Variants in ERAP1 observed in about 807,000 individuals in gnomAD.
ERAP1 encodes the protein endoplasmic reticulum aminopeptidase 1, also known as adipocyte-derived leucine aminopeptidase.
In ERAP1, 86 loss-of-function variants were observed where a neutral mutation model predicts 103.7. The observed-to-expected ratio is 0.83, with a 90% confidence interval of 0.70 to 0.99. The LOEUF (loss-of-function observed/expected upper bound fraction) is 0.99. Ranked by LOEUF, ERAP1 falls within the 50% of genes least tolerant of loss-of-function variation. The probability of loss-of-function intolerance (pLI) is 0.00; values close to 1 mark genes in which losing one functional copy is unlikely to be tolerated. For synonymous variants in ERAP1, 398 were observed against 402.4 expected (o/e 0.99, Z 0.13); for missense variants, 1,009 against 1,128.4 (o/e 0.89, Z 1.52).
rs189188037 is a variant in ERAP1 at position 96,761,901 on chromosome 5, A to G, written c.*1299T>C. 3.8e-3 allele frequency: 600 copies of G among 159,902 alleles called. 5 individuals are homozygous for G. Among genetic ancestry groups the G allele is most frequent in the African/African-American group, 0.014 (571 of 41,824 alleles). 9.9% of individuals were successfully genotyped at this position (159,902 alleles called of 1,614,324 possible). A position where few individuals can be genotyped will look rare whatever the true frequency, so the allele number is the denominator to read the frequency against. ...CTAGCAACATTTGAGAGGGCAGTTT[A>G]GCAAAATATAGCCAGCACCATAACT... On this transcript the variant is annotated 3_prime_UTR_variant, in exon 20 of 20. Coordinates refer to the ERAP1 transcript ENST00000296754.
chr5:96,918,721 A>T, the ERAP1 span: 4 of 152,358 alleles, frequency 2.6e-5, no homozygotes, highest in South Asian at 8.3e-4. Context: ...ACAAGAAAGG[A>T]ATATAATTCA....
At chr5:96,782,253 C>G (rs1314173118) in intron 15 of ERAP1, among the ~76,000 whole-genome samples, 1 of 152,064 alleles carries the variant, frequency 6.6e-6, no homozygotes, top group Non-Finnish European at 1.5e-5. Flanking sequence ...TCGTGATCCA[C>G]CCACCTCAGC....
At chr5:96,837,567 C>T in the ERAP1 span, among the ~76,000 whole-genome samples, 3 of 152,194 alleles carry the variant, frequency 2.0e-5, no homozygotes, top group Admixed American at 1.3e-4. Context: ...CTTTGGGCGC[C>T]ACCAGGAGCA....
chr5:96,891,556 A>G, the ERAP1 span, among the ~76,000 whole-genome samples: 1 of 146,214 alleles, frequency 6.8e-6, no homozygotes, highest in Non-Finnish European at 1.5e-5. Context: ...ACACACACAC[A>G]CACACACATA....
chr5:96,935,077 G>C, the ERAP1 span: 1 of 152,638 alleles, frequency 6.6e-6, no homozygotes, highest in Non-Finnish European at 1.5e-5. Context: ...TGGCGCGAGT[G>C]CTGGGGGGCA....
chr5:96,890,441 C>T, the ERAP1 span, among the ~76,000 whole-genome samples: 1 of 152,194 alleles, frequency 6.6e-6, no homozygotes, highest in African/African-American at 2.4e-5. Context: ...CACCTCCTGC[C>T]ATGCAGCCCA....
the ERAP1 span, chr5:96,895,206 T>G: frequency 8.1e-7 from 1 of 1,228,798 alleles, no homozygotes; most frequent in Non-Finnish European, 1.2e-6. Context: ...ATAATTTTTA[T>G]TTGTTTAACT....
At chr5:96,797,089 T>C in intron 4 of ERAP1, 86 bp downstream of exon 4, 1 of 1,545,756 alleles carries the variant, frequency 6.5e-7, no homozygotes, top group Admixed American at 1.7e-5. Flanking sequence ...CACGACCCAC[T>C]GCGCTCAGGC....
intron 9 of ERAP1, 39 bp from the exon 10 acceptor site, chr5:96,790,406 A>G: frequency 1.2e-6 from 2 of 1,611,326 alleles, no homozygotes; most frequent in Non-Finnish European, 1.7e-6. Flanking sequence ...TTATTTCTAT[A>G]GAAAACAATG....
At chr5:96,811,523 G>T (rs993216930), upstream of ERAP1, among the ~76,000 whole-genome samples, 1 of 152,224 alleles carries the variant, frequency 6.6e-6, no homozygotes, top group South Asian at 2.1e-4. Context: ...CAGAGACAGA[G>T]AATACCTCCA....
chr5:96,803,947 G>A lies in ERAP1; in HGVS notation c.-17-4C>T. 8 of 1,602,454 alleles carry A rather than the reference G, an allele frequency of 5.0e-6. No individual in the cohort carries two copies. The highest frequency in any genetic ancestry group is 6.8e-6 in the Non-Finnish European group (8 of 1,179,966). ...ACCATCTTCTTGCTCTACCTACCTA[G>A]CGGCACAAATGTACAAAAGCAAAAA... On this transcript the variant is annotated splice_region_variant and splice_polypyrimidine_tract_variant and intron_variant, in intron 1 of 18. Transcript: ENST00000443439.
rs772847495 is a variant in ERAP1 at position 96,790,253 on chromosome 5, A to G, written c.1524+43T>C. 24 of 1,582,762 alleles carry G rather than the reference A, an allele frequency of 1.5e-5. 1 individual carries two copies. The South Asian group carries it at 2.7e-4, about 18-fold the overall frequency. On this transcript the variant is annotated intron_variant, in intron 10 of 18. Transcript: ENST00000443439. The stretch of plus-strand genomic sequence containing the variant: ...GCTGCCTTTCAAAGAATATGCAGTA[A>G]AAGAATGTGCTTGGGGGAACATGTA...
At chr5:96,918,677 T>C in the ERAP1 span, 1 of 152,208 alleles carries the variant, frequency 6.6e-6, no homozygotes, top group Non-Finnish European at 1.5e-5. Context: ...TTTGAGATCA[T>C]TCCAAATGAA....
At chr5:96,789,300 A>G (rs1776454802) in intron 10 of ERAP1, among the ~76,000 whole-genome samples, 1 of 152,200 alleles carries the variant, frequency 6.6e-6, no homozygotes, top group Non-Finnish European at 1.5e-5. Context: ...CAGCCTGGCG[A>G]ACATGGTGAA....
At chr5:96,812,566 TA>T (rs1325706175), upstream of ERAP1, among the ~76,000 whole-genome samples, 1 of 152,244 alleles carries the variant, frequency 6.6e-6, no homozygotes, top group Admixed American at 6.5e-5. Flanking sequence ...TGTTTATTGT[TA>T]TTTTTTGAGG....
rs1246399192 is a variant in ERAP1 at position 96,786,451 on chromosome 5, A to G, written c.1759+19T>C. ...CACATTCCTCCTTGAATTAACTAGT[A>G]GTTTCCAAAATAAATTACCTGTTTT... On this transcript the variant is annotated intron_variant, in intron 12 of 18. Transcript: ENST00000443439. 1.3e-6 allele frequency: 2 copies of G among 1,517,686 alleles called. No homozygotes were observed. Among genetic ancestry groups the G allele is most frequent in the East Asian group, 2.2e-5 (1 of 44,526 alleles). The allele number at this position is 1,517,686 out of a possible 1,614,324, so 94.0% of individuals were successfully genotyped here.
chr5:96,786,780 C>T, intron 11 of ERAP1: 1 of 500,158 alleles, frequency 2.0e-6, no homozygotes, highest in Middle Eastern at 5.6e-4. Context: ...AATTTGGACT[C>T]ACGTGAACCC....
chr5:96,792,835 G>A (rs554904107), intron 7 of ERAP1, among the ~76,000 whole-genome samples: 9 of 152,252 alleles, frequency 5.9e-5, no homozygotes, highest in African/African-American at 2.2e-4. Context: ...ATTTACAAAT[G>A]AAAAGAATCA....
At chr5:96,852,656 G>T in the ERAP1 span, among the ~76,000 whole-genome samples, 6 of 152,238 alleles carry the variant, frequency 3.9e-5, no homozygotes, top group Admixed American at 3.3e-4. Flanking sequence ...GATTTTAGAT[G>T]CGAAGTCCTA....
Sources: gnomAD v4.1 joint callset for allele counts (sites outside exome capture counted in the v4.1 genomes callset) on GRCh38, gnomAD v4.1.1 for gene constraint, MANE v1.5 for transcripts, NCBI Gene and HGNC (gene_info 2026-07-23, HGNC 2026-07-21) for gene names.